The following FHIT variants were observed in gnomAD, a reference collection of about 807,000 sequenced individuals.
FHIT encodes bis(5'-adenosyl)-triphosphatase.
In FHIT, 19 loss-of-function variants were observed where a neutral mutation model predicts 17.9. The ratio of observed to expected loss-of-function variants is 1.06; its 90% CI spans 0.74 to 1.56. FHIT has a LOEUF of 1.56. Among genes scored for constraint, FHIT ranks in the 40% most tolerant of loss-of-function variants. The pLI, the probability that FHIT is intolerant of heterozygous loss-of-function variation, is 0.00. For synonymous variants in FHIT, 81 were observed against 69.7 expected, an observed-to-expected ratio of 1.16 and a Z score of -0.81; for missense variants, 248 against 189.2, an observed-to-expected ratio of 1.31 and a Z score of -1.82.
intron 3 of FHIT, among the ~76,000 whole-genome samples, chr3:60,976,614 T>C (rs1193933105): frequency 6.6e-6 from 1 of 152,226 alleles, no homozygotes; most frequent in Non-Finnish European, 1.5e-5. Context: ...TGTTGTTTCA[T>C]CACTGTTTCT....
intron 4 of FHIT, among the ~76,000 whole-genome samples, chr3:60,755,210 C>A (rs1250684629): frequency 1.3e-5 from 2 of 152,182 alleles, no homozygotes; most frequent in Non-Finnish European, 2.9e-5. Context: ...TGTTTTCCAG[C>A]AGTCAGGAAA....
intron 5 of FHIT, among the ~76,000 whole-genome samples, chr3:60,127,294 T>A (rs1705597341): frequency 6.6e-6 from 1 of 152,178 alleles, no homozygotes; most frequent in Non-Finnish European, 1.5e-5. Context: ...TCCACTTTGA[T>A]CCCAGCCTAC....
At chr3:61,054,723 GTC>G in intron 2 of FHIT, among the ~76,000 whole-genome samples, 1 of 152,076 alleles carries the variant, frequency 6.6e-6, no homozygotes. Context: ...GAGAACACTG[GTC>G]TCCTGGTCTG....
rs1338823829 is a variant in FHIT, at chr3:60,553,533, AGG to A, written c.-17-16556_-17-16555del. ...TATATATATATATAGAGAGAGAGAG[AGG>A]GAGAGAGAGAGAGAGAGAGAGAGAG... is the stretch of plus-strand genomic sequence containing the variant. On this transcript the variant is annotated intron_variant, in intron 4 of 9. Coordinates refer to ENST00000492590, the MANE Select transcript of FHIT (RefSeq NM_002012.4). 9.3e-4 allele frequency: 155 copies of A among 166,074 alleles called. 1 individual carries two copies. The highest frequency in any genetic ancestry group is 3.2e-3 in the Middle Eastern group (1 of 312). 10.3% of individuals were successfully genotyped at this position (166,074 alleles called of 1,614,324 possible).
chr3:60,726,079 C>T (rs2041911377), intron 4 of FHIT, among the ~76,000 whole-genome samples: 1 of 152,060 alleles, frequency 6.6e-6, no homozygotes. Flanking sequence ...GCGAAATATA[C>T]AAAAATAAAC....
At chr3:59,812,945 T>C (rs955751482) in intron 8 of FHIT, among the ~76,000 whole-genome samples, 2 of 152,188 alleles carry the variant, frequency 1.3e-5, no homozygotes, top group Admixed American at 6.5e-5. Context: ...ACATTAAACT[T>C]ACTTAAGTTC....
At chr3:59,959,324 G>C (rs1001530122) in intron 7 of FHIT, among the ~76,000 whole-genome samples, 6 of 152,222 alleles carry the variant, frequency 3.9e-5, no homozygotes, top group Non-Finnish European at 7.3e-5. Context: ...ACTAAGAAGA[G>C]AGTGTTTCAT....
chr3:60,341,712 T>G (rs892459069), intron 5 of FHIT, among the ~76,000 whole-genome samples: 3 of 152,196 alleles, frequency 2.0e-5, no homozygotes, highest in Non-Finnish European at 4.4e-5. Context: ...ATTCTACACT[T>G]AGATTGACTT....
intron 3 of FHIT, among the ~76,000 whole-genome samples, chr3:60,915,725 T>C (rs1706962775): frequency 6.6e-6 from 1 of 152,124 alleles, no homozygotes; most frequent in East Asian, 1.9e-4. Flanking sequence ...TAAAATAAAG[T>C]TATAAATGCC....
chr3:60,933,324 C>T (rs1708051217), intron 3 of FHIT, among the ~76,000 whole-genome samples: 1 of 152,128 alleles, frequency 6.6e-6, no homozygotes, highest in Non-Finnish European at 1.5e-5. Flanking sequence ...TTAAAAGAAA[C>T]CAGTGAAATT....
intron 5 of FHIT, among the ~76,000 whole-genome samples, chr3:60,330,963 C>T (rs1709938648): frequency 6.6e-6 from 1 of 152,168 alleles, no homozygotes; most frequent in South Asian, 2.1e-4. Flanking sequence ...GGCAGCCAGA[C>T]CTCCATTTCT....
chr3:61,219,273 A>G (rs900868415), intron 1 of FHIT, among the ~76,000 whole-genome samples: 1 of 152,100 alleles, frequency 6.6e-6, no homozygotes, highest in Non-Finnish European at 1.5e-5. Flanking sequence ...TGTTGAATAA[A>G]CTAATACAAG....
At chr3:59,810,105 G>A (rs1700356054) in intron 8 of FHIT, among the ~76,000 whole-genome samples, 1 of 152,152 alleles carries the variant, frequency 6.6e-6, no homozygotes, top group South Asian at 2.1e-4. Context: ...TACGGGGATT[G>A]TGAGAGGGCT....
At chr3:59,825,987 T>C (rs17296363) in intron 8 of FHIT, among the ~76,000 whole-genome samples, 3,431 of 152,326 alleles carry the variant, frequency 0.023, 56 homozygotes, top group Non-Finnish European at 0.033. Flanking sequence ...ATAAGGAATA[T>C]TGACAGCTGA....
At chr3:61,162,926 C>T (rs1206802522) in intron 2 of FHIT, among the ~76,000 whole-genome samples, 1 of 152,156 alleles carries the variant, frequency 6.6e-6, no homozygotes, top group Non-Finnish European at 1.5e-5. Flanking sequence ...TTGGCTGGTT[C>T]TCTCATTATA....
At position 59,859,212 on chromosome 3, in the gene FHIT, G is replaced by A. The variant is rs371287758; in HGVS notation, c.348+63134C>T. On this transcript the variant is annotated intron_variant, in intron 8 of 9. Transcript: ENST00000492590. Reference sequence around the variant, plus strand: ...ACCAACTGGACCAGGTGATCAAGTGGGGATACGGTCAGTGTGGTTGCCTTC... The same window carrying A: ...ACCAACTGGACCAGGTGATCAAGTGAGGATACGGTCAGTGTGGTTGCCTTC... Among the ~76,000 whole-genome samples the A allele has an allele frequency of 4.6e-5, 7 of 152,126 alleles. No homozygotes were observed. The East Asian group carries it at 9.6e-4, about 21-fold the overall frequency.
At chr3:61,109,048 C>A (rs1041439400) in intron 2 of FHIT, among the ~76,000 whole-genome samples, 1 of 152,180 alleles carries the variant, frequency 6.6e-6, no homozygotes, top group African/African-American at 2.4e-5. Flanking sequence ...TAAAATCACA[C>A]TAAGTCCTAA....
At position 60,362,243 on chromosome 3, in the gene FHIT, TAATAC is replaced by T. The variant is rs536320387; in HGVS notation, c.103+174612_103+174616del. ...AAGTCTACTTCCTTAAAAAAATCCC[TAATAC>T]AATACAATTTTATTAACTCCAGTCC... is the stretch of plus-strand genomic sequence containing the variant. On this transcript the variant is annotated intron_variant, in intron 5 of 9. Transcript: ENST00000492590. Among the ~76,000 whole-genome samples the T allele has an allele frequency of 1.4e-4, 22 of 152,324 alleles. No individual in the cohort carries two copies. The South Asian group carries it at 2.9e-3, about 20-fold the overall frequency.
chr3:60,865,708 C>T (rs1186197267), intron 3 of FHIT, among the ~76,000 whole-genome samples: 3 of 152,062 alleles, frequency 2.0e-5, no homozygotes, highest in Non-Finnish European at 4.4e-5. Context: ...TCATGACTCC[C>T]TGTGAGATAG....
Sources: gnomAD v4.1 joint callset for allele counts (sites outside exome capture counted in the v4.1 genomes callset) on GRCh38, gnomAD v4.1.1 for gene constraint, MANE v1.5 for transcripts, NCBI Gene and HGNC (gene_info 2026-07-23, HGNC 2026-07-21) for gene names.